STXBP5L: variants seen among roughly 807,000 people sequenced by gnomAD.
STXBP5L encodes syntaxin binding protein 5L.
A neutral mutation model predicts 144.5 loss-of-function variants in STXBP5L; 65 were observed. That is an observed-to-expected ratio of 0.45 (90% confidence interval 0.37 to 0.55). The LOEUF (loss-of-function observed/expected upper bound fraction) is 0.55, where lower values mean the gene tolerates loss of function less well. STXBP5L is among the 20% of genes least tolerant of loss of function. The probability of loss-of-function intolerance (pLI) is 0.00; values close to 1 mark genes in which losing one functional copy is unlikely to be tolerated. For missense variants in STXBP5L, 1,298 were observed against 1,405.5 expected, an observed-to-expected ratio of 0.92 and a Z score of 1.22; for synonymous variants, 505 against 469.6, an observed-to-expected ratio of 1.08 and a Z score of -0.97.
intron 3 of STXBP5L, among the ~76,000 whole-genome samples, chr3:120,998,410 T>A (rs567822281): frequency 6.6e-6 from 1 of 152,196 alleles, no homozygotes; most frequent in East Asian, 1.9e-4. Flanking sequence ...TACTTTAAAT[T>A]TTGGGGTACA....
At chr3:121,394,610 T>TC (rs2046680528) in intron 22 of STXBP5L, among the ~76,000 whole-genome samples, 1 of 145,170 alleles carries the variant, frequency 6.9e-6, no homozygotes, top group East Asian at 2.0e-4. Context: ...GGGTTTTTTT[T>TC]TTTTTTTTTT....
chr3:121,386,251 C>G (rs767158814), intron 22 of STXBP5L, among the ~76,000 whole-genome samples: 4 of 152,070 alleles, frequency 2.6e-5, no homozygotes, highest in Non-Finnish European at 5.9e-5. Flanking sequence ...ACCAGTATCT[C>G]TTATTCTATT....
chr3:121,375,553 G>A (rs898855461), intron 20 of STXBP5L, among the ~76,000 whole-genome samples: 1 of 152,078 alleles, frequency 6.6e-6, no homozygotes, highest in Non-Finnish European at 1.5e-5. Flanking sequence ...TCAAAATCAG[G>A]ATAAGAGAAA....
chr3:121,258,063 A>G (rs913025736), intron 17 of STXBP5L, among the ~76,000 whole-genome samples: 3 of 152,212 alleles, frequency 2.0e-5, no homozygotes, highest in Non-Finnish European at 4.4e-5. Flanking sequence ...CATGATTGCT[A>G]GTATATTTCA....
chr3:121,137,769 G>T (rs1413476961), intron 7 of STXBP5L, among the ~76,000 whole-genome samples: 4 of 152,060 alleles, frequency 2.6e-5, no homozygotes, highest in Non-Finnish European at 5.9e-5. Context: ...TAGATAGAAG[G>T]ATTGTACCTC....
chr3:121,017,298 A>G (rs1489249604), intron 3 of STXBP5L, among the ~76,000 whole-genome samples: 2 of 152,218 alleles, frequency 1.3e-5, no homozygotes, highest in African/African-American at 2.4e-5. Context: ...CTTCAACTTG[A>G]TAAAGAACAT....
At chr3:121,397,387 G>C (rs2046757103) in intron 22 of STXBP5L, among the ~76,000 whole-genome samples, 1 of 152,146 alleles carries the variant, frequency 6.6e-6, no homozygotes. Context: ...AGAATTCCAA[G>C]GCGAAAATGT....
intron 5 of STXBP5L, among the ~76,000 whole-genome samples, chr3:121,113,299 C>T (rs887322237): frequency 2.0e-5 from 3 of 152,076 alleles, no homozygotes; most frequent in Non-Finnish European, 4.4e-5. Flanking sequence ...AAAGGATGAT[C>T]TTAGTCCTCT....
chr3:121,370,123 T>C lies in STXBP5L; in HGVS notation c.2177-8593T>C, dbSNP rs527388017. Among the ~76,000 whole-genome samples the C allele has an allele frequency of 8.5e-5, 13 of 152,240 alleles. No individual in the cohort carries two copies. In the South Asian group the frequency reaches 2.3e-3, roughly 27 times the overall value. On this transcript the variant is annotated intron_variant, in intron 20 of 26. Coordinates refer to ENST00000471454, the MANE Select transcript of STXBP5L (RefSeq NM_001308330.2). ...GCTCATGTTTGTAAATCCAGCACTT[T>C]GGGAGGTCGAGGCAGGTGGATCACT...
intron 7 of STXBP5L, among the ~76,000 whole-genome samples, chr3:121,121,927 G>A (rs1217560793): frequency 1.3e-5 from 2 of 150,584 alleles, no homozygotes; most frequent in African/African-American, 2.4e-5. Context: ...AGATAAAATC[G>A]GTATTTAATT....
At chr3:121,387,941 A>G (rs928912236) in intron 22 of STXBP5L, among the ~76,000 whole-genome samples, 7 of 152,200 alleles carry the variant, frequency 4.6e-5, no homozygotes, top group African/African-American at 1.7e-4. Flanking sequence ...CTGTGAAGAA[A>G]GTCATTGGTA....
rs1289282903 is a variant in STXBP5L, at chr3:121,424,408, T to A, written c.*5311T>A. On this transcript the variant is annotated 3_prime_UTR_variant, in exon 27 of 27. Coordinates refer to ENST00000471454, the MANE Select transcript of STXBP5L (RefSeq NM_001308330.2). The stretch of plus-strand genomic sequence containing the variant: ...GCCTATCAAAGGCAGTAACACATAA[T>A]GAGAAGAAACTCAGAGTTATTGCCT... The A allele has an allele frequency of 6.6e-6, 1 of 152,048 alleles. No individual in the cohort carries two copies. Among genetic ancestry groups the A allele is most frequent in the African/African-American group, 2.4e-5 (1 of 41,316 alleles). 9.4% of individuals were successfully genotyped at this position (152,048 alleles called of 1,614,324 possible). A position where few individuals can be genotyped will look rare whatever the true frequency, so the allele number is the denominator to read the frequency against.
rs138170567 is a variant in STXBP5L at position 120,999,856 on chromosome 3, T to C, written c.288-41844T>C. Among the ~76,000 whole-genome samples the C allele has an allele frequency of 3.0e-3, 463 of 152,286 alleles. 5 individuals carry two copies. The highest frequency in any genetic ancestry group is 0.011 in the African/African-American group (446 of 41,562). The stretch of plus-strand genomic sequence containing the variant: ...CTCCTTTATTTGCTTGTCTGAAAAA[T>C]ATTTCATTTCTCCTTTAGTTTGGTG... On this transcript the variant is annotated intron_variant, in intron 3 of 26. Transcript: ENST00000471454.
Position 121,254,897 on chromosome 3 carries a change from A to G in STXBP5L, c.1444A>G (p.Thr482Ala), listed in dbSNP as rs757982098. 4 of 1,606,966 alleles carry G rather than the reference A, an allele frequency of 2.5e-6. No homozygotes were observed. The Admixed American group carries it at 5.1e-5, about 21-fold the overall frequency. The change falls in exon 16 of 27, where the codon ACT becomes GCT. Residue 482 changes from threonine (T) to alanine (A), a missense_variant and splice_region_variant. Thr to Ala is a moderately conservative substitution (Grantham distance 58). Transcript: ENST00000471454. ...SIKFWDASAI[T>A]LQMLYKLKTS... ...AACTGTGCTTCGATGTCTTATAGTA[A>G]CTCTGCAGATGCTGTACAAGCTAAA...
At chr3:121,215,833 G>C (rs1431278108) in intron 10 of STXBP5L, among the ~76,000 whole-genome samples, 1 of 152,130 alleles carries the variant, frequency 6.6e-6, no homozygotes, top group East Asian at 1.9e-4. Context: ...TCACTTTCAA[G>C]TACACCAATC....
chr3:121,022,634 C>T (rs531068008), intron 3 of STXBP5L, among the ~76,000 whole-genome samples: 36 of 152,184 alleles, frequency 2.4e-4, no homozygotes, highest in African/African-American at 8.7e-4. Flanking sequence ...TGATATACCA[C>T]ATAAATAGGA....
chr3:121,407,529 A>G lies in STXBP5L; in HGVS notation c.2874A>G (p.Gln958=), dbSNP rs1192841979. The change falls in exon 23 of 27, where the codon CAA becomes CAG. Residue 958 remains glutamine (Q), a synonymous_variant. Coordinates refer to ENST00000471454, the MANE Select transcript of STXBP5L (RefSeq NM_001308330.2). ...TCACGGAGACATCTTTTATACTGCA[A>G]GCAAATGTGGTGGTCATGTGTAGCA... ...HNITETSFIL[Q]ANVVVMCSSA... 10 of 1,613,402 alleles carry G rather than the reference A, an allele frequency of 6.2e-6. No homozygotes were observed. Among genetic ancestry groups the G allele is most frequent in the Non-Finnish European group, 8.5e-6 (10 of 1,179,548 alleles).
intron 14 of STXBP5L, among the ~76,000 whole-genome samples, chr3:121,242,888 T>C (rs1577288742): frequency 6.6e-6 from 1 of 152,154 alleles, no homozygotes. Context: ...TACAACAATA[T>C]GTGGTCCAAA....
At chr3:121,343,184 T>G (rs960809344) in intron 20 of STXBP5L, among the ~76,000 whole-genome samples, 6 of 152,126 alleles carry the variant, frequency 3.9e-5, no homozygotes, top group Non-Finnish European at 7.3e-5. Flanking sequence ...ACCCACTTTT[T>G]GATGGGGTTG....
Sources: allele counts gnomAD v4.1 joint callset (sites outside exome capture counted in the v4.1 genomes callset), GRCh38; gene constraint gnomAD v4.1.1; transcripts MANE v1.5; gene names NCBI Gene and HGNC (gene_info 2026-07-23, HGNC 2026-07-21).